Variants in TENM3 observed in about 807,000 individuals in gnomAD.
The protein encoded by TENM3 is teneurin-3.
Under a neutral mutation model 255.1 loss-of-function variants are expected in TENM3, and 63 were observed. The ratio of observed to expected loss-of-function variants is 0.25; its 90% CI spans 0.20 to 0.30. TENM3 has a LOEUF of 0.30. Ranked by LOEUF, TENM3 falls within the 10% of genes least tolerant of loss-of-function variation. The pLI, the probability that TENM3 is intolerant of heterozygous loss-of-function variation, is 1.00. For synonymous variants in TENM3, 1,306 were observed against 1,322.3 expected (o/e 0.99, Z 0.27); for missense variants, 2,929 against 3,461.1 (o/e 0.85, Z 3.86).
intron 24 of TENM3, among the ~76,000 whole-genome samples, chr4:182,776,188 G>A (rs753617525): frequency 3.9e-5 from 6 of 152,238 alleles, no homozygotes; most frequent in East Asian, 1.9e-4. Flanking sequence ...CAAGGTAGGC[G>A]GACCACTTGA....
chr4:182,117,608 G>C, the TENM3 span, among the ~76,000 whole-genome samples: 3 of 152,138 alleles, frequency 2.0e-5, no homozygotes, highest in African/African-American at 7.2e-5. Context: ...GCAAGCTATA[G>C]TTATATTGAT....
the TENM3 span, among the ~76,000 whole-genome samples, chr4:182,005,794 T>C: frequency 1.2e-4 from 18 of 152,208 alleles, no homozygotes; most frequent in African/African-American, 4.3e-4. Flanking sequence ...CATCCCTTGT[T>C]ACCTGTATTC....
intron 3 of TENM3, among the ~76,000 whole-genome samples, chr4:182,570,823 CTG>C (rs1744281280): frequency 7.5e-6 from 1 of 133,158 alleles, no homozygotes; most frequent in African/African-American, 2.5e-5. Flanking sequence ...GTGCGAGACT[CTG>C]TGTCAAAAAA....
At chr4:182,322,009 T>C (rs1763085352) in intron 1 of TENM3, among the ~76,000 whole-genome samples, 1 of 152,084 alleles carries the variant, frequency 6.6e-6, no homozygotes, top group African/African-American at 2.4e-5. Context: ...AGTGAATTGG[T>C]GTGTTGTTGT....
At chr4:182,539,555 T>C (rs578174392) in intron 3 of TENM3, among the ~76,000 whole-genome samples, 1 of 152,318 alleles carries the variant, frequency 6.6e-6, no homozygotes, top group East Asian at 1.9e-4. Flanking sequence ...GCTCAAGTGC[T>C]ATTCAGATGT....
chr4:182,076,692 C>T, the TENM3 span, among the ~76,000 whole-genome samples: 2 of 152,166 alleles, frequency 1.3e-5, no homozygotes, highest in Admixed American at 1.3e-4. Context: ...CTCCACACAA[C>T]CCTGAGAGTT....
At chr4:181,933,664 G>A in the TENM3 span, among the ~76,000 whole-genome samples, 15 of 152,074 alleles carry the variant, frequency 9.9e-5, no homozygotes, top group East Asian at 1.9e-4. Flanking sequence ...AAGACTTTCC[G>A]GACCAGCTTG....
chr4:181,472,808 T>C, the TENM3 span, among the ~76,000 whole-genome samples: 1 of 152,272 alleles, frequency 6.6e-6, no homozygotes, highest in East Asian at 1.9e-4. Context: ...TTCTCCCTCC[T>C]AATTATGTCC....
In TENM3 at chr4:182,754,589, A is replaced by G. The variant is rs1442179878; in HGVS notation, c.4222A>G (p.Ile1408Val). 6.2e-7 allele frequency: 1 copy of G among 1,613,880 alleles called. No individual in the cohort carries two copies. Among genetic ancestry groups the G allele is most frequent in the Non-Finnish European group, 8.5e-7 (1 of 1,179,880 alleles). ...GACAACACTGGAATCAGCCACTGCC[A>G]TTGCTGTGTCCTACAGTGGGGTCCT... Reference protein sequence around the residue: ...VQTTLESATAIAVSYSGVLYI... With the variant: ...VQTTLESATAVAVSYSGVLYI... The change falls in exon 22 of 28, where the codon ATT becomes GTT. Residue 1408 changes from isoleucine to valine, a missense_variant. By Grantham distance (29) the Ile-to-Val change is conservative. Around this residue, in one of 6 missense-constraint regions of TENM3, gnomAD observed 1,608 missense variants for 1,884.4 expected, o/e 0.85. Transcript: ENST00000511685. This position sits in a 1 kb window ranked among gnomAD's most constrained non-coding sequence, Gnocchi z 5.1.
the TENM3 span, among the ~76,000 whole-genome samples, chr4:181,876,199 T>C: frequency 6.6e-6 from 1 of 152,244 alleles, no homozygotes; most frequent in Non-Finnish European, 1.5e-5. Flanking sequence ...TTATATATCA[T>C]ATTGAGGATA....
intron 3 of TENM3, among the ~76,000 whole-genome samples, chr4:182,538,128 G>A (rs755427349): frequency 2.0e-5 from 3 of 152,190 alleles, no homozygotes; most frequent in East Asian, 1.9e-4. Context: ...TTATGTTCAC[G>A]TTTTGGGCAA....
chr4:181,786,010 G>C, the TENM3 span, among the ~76,000 whole-genome samples: 1 of 152,174 alleles, frequency 6.6e-6, no homozygotes, highest in Non-Finnish European at 1.5e-5. Flanking sequence ...ACGCTGGGCT[G>C]TAAGGAAAAC....
chr4:182,050,860 T>C, the TENM3 span, among the ~76,000 whole-genome samples: 2 of 152,144 alleles, frequency 1.3e-5, no homozygotes, highest in Non-Finnish European at 2.9e-5. Flanking sequence ...AACATTATAT[T>C]GTTTAAACTA....
the TENM3 span, among the ~76,000 whole-genome samples, chr4:181,798,309 T>C: frequency 1.3e-5 from 2 of 152,114 alleles, no homozygotes; most frequent in East Asian, 3.9e-4. Context: ...TTTTTATTTA[T>C]TTATTTATTT....
chr4:182,598,216 G>A (rs1253938073), intron 3 of TENM3, among the ~76,000 whole-genome samples: 4 of 152,070 alleles, frequency 2.6e-5, no homozygotes, highest in Admixed American at 6.6e-5. Context: ...TAAATTTCCG[G>A]CCATCCACCC....
Position 182,335,985 on chromosome 4 carries a change from A to G in TENM3, c.233-10666A>G, listed in dbSNP as rs183446501. Among the ~76,000 whole-genome samples, 24 of 152,284 alleles carry G rather than the reference A, an allele frequency of 1.6e-4. No homozygotes were observed. In the East Asian group the frequency reaches 4.6e-3, roughly 29 times the overall value. Reference sequence around the variant, plus strand: ...TAATCCCAAATTCTACATCCCTACTATACAGCCCCTATCCTGGCATCCTTC... The same window carrying G: ...TAATCCCAAATTCTACATCCCTACTGTACAGCCCCTATCCTGGCATCCTTC... On this transcript the variant is annotated intron_variant, in intron 2 of 27. Coordinates refer to ENST00000511685, the MANE Select transcript of TENM3 (RefSeq NM_001080477.4).
At chr4:182,319,661 T>C (rs772022115) in intron 1 of TENM3, among the ~76,000 whole-genome samples, 2 of 152,240 alleles carry the variant, frequency 1.3e-5, no homozygotes, top group Non-Finnish European at 2.9e-5. Context: ...TGTTAACATT[T>C]AGTTGGTATT....
chr4:181,580,397 C>A, the TENM3 span, among the ~76,000 whole-genome samples: 1 of 152,148 alleles, frequency 6.6e-6, no homozygotes, highest in African/African-American at 2.4e-5. Flanking sequence ...CCACCCCAAC[C>A]CATTTGTGGA....
intron 5 of TENM3, among the ~76,000 whole-genome samples, chr4:182,635,035 G>A (rs974611525): frequency 1.3e-5 from 2 of 152,156 alleles, no homozygotes; most frequent in South Asian, 2.1e-4. Context: ...AAATAACACC[G>A]TTATAGACCT....
Sources: allele counts gnomAD v4.1 joint callset (sites outside exome capture counted in the v4.1 genomes callset), GRCh38; gene constraint gnomAD v4.1.1; regional missense constraint gnomAD v4.1.1; non-coding constraint Gnocchi (gnomAD v3.1); transcripts MANE v1.5; gene names NCBI Gene and HGNC (gene_info 2026-07-23, HGNC 2026-07-21).